Variants in CTIF observed in about 807,000 individuals in gnomAD.
CTIF encodes cap binding complex dependent translation initiation factor.
In CTIF, 21 loss-of-function variants were observed where a neutral mutation model predicts 66.0. That is an observed-to-expected ratio of 0.32 (90% CI 0.23 to 0.46). The LOEUF is 0.46. Among genes scored for constraint, CTIF ranks in the 20% least tolerant of loss-of-function variants. The pLI is 1.00. For synonymous variants in CTIF, 345 were observed against 326.4 expected (o/e 1.06, Z -0.62); for missense variants, 739 against 812.7 (o/e 0.91, Z 1.10).
chr18:48,759,305 G>A (rs1206723149), intron 8 of CTIF, among the ~76,000 whole-genome samples: 1 of 152,146 alleles, frequency 6.6e-6, no homozygotes, highest in Non-Finnish European at 1.5e-5. Context: ...TCCTCCTGGG[G>A]CTTCCGCAGA....
intron 2 of CTIF, among the ~76,000 whole-genome samples, chr18:48,630,651 T>G (rs1304462375): frequency 7.2e-6 from 1 of 139,676 alleles, no homozygotes; most frequent in African/African-American, 2.9e-5. Flanking sequence ...ACAGCTTTTT[T>G]GTCTCTAGCT....
chr18:48,580,608 C>T (rs750113272), intron 1 of CTIF, among the ~76,000 whole-genome samples: 1 of 152,196 alleles, frequency 6.6e-6, no homozygotes, highest in Non-Finnish European at 1.5e-5. Context: ...CACCACACTA[C>T]TACTTAGAAA....
At chr18:48,717,702 G>C (rs1374509133) in intron 7 of CTIF, among the ~76,000 whole-genome samples, 1 of 152,136 alleles carries the variant, frequency 6.6e-6, no homozygotes, top group Non-Finnish European at 1.5e-5. Context: ...AGGATGAAGT[G>C]ATGTGGCAAG....
At chr18:48,857,750 A>G in intron 11 of CTIF, 109 bp downstream of exon 11, 1 of 1,013,392 alleles carries the variant, frequency 9.9e-7, no homozygotes. Context: ...GTCCAGGGGA[A>G]GGTAGGTGGA....
At chr18:48,543,579 C>T (rs748701280) in intron 1 of CTIF, among the ~76,000 whole-genome samples, 49 of 152,306 alleles carry the variant, frequency 3.2e-4, no homozygotes, top group Middle Eastern at 3.4e-3. Context: ...CTGTGGTTCA[C>T]AACGGGGTGA....
At chr18:48,696,479 C>T (rs990173256) in intron 6 of CTIF, among the ~76,000 whole-genome samples, 120 of 152,122 alleles carry the variant, frequency 7.9e-4, no homozygotes, top group Non-Finnish European at 7.4e-5. Context: ...GTGTGACCCC[C>T]GCCAGACATA....
At chr18:48,627,167 G>A (rs998107396) in intron 2 of CTIF, among the ~76,000 whole-genome samples, 2 of 152,136 alleles carry the variant, frequency 1.3e-5, no homozygotes, top group Non-Finnish European at 2.9e-5. Context: ...ACATTGTTTG[G>A]TGGTGGTTTT....
At chr18:48,631,468 A>T (rs1453760871) in intron 2 of CTIF, among the ~76,000 whole-genome samples, 1 of 152,256 alleles carries the variant, frequency 6.6e-6, no homozygotes, top group Non-Finnish European at 1.5e-5. Flanking sequence ...CGTCTCAAAA[A>T]CAAGACAAAC....
intron 6 of CTIF, among the ~76,000 whole-genome samples, chr18:48,680,877 G>T (rs2091728731): frequency 6.6e-6 from 1 of 152,176 alleles, no homozygotes; most frequent in Non-Finnish European, 1.5e-5. Flanking sequence ...CTCCTTCCTG[G>T]CAGCGGTGAG....
At chr18:48,730,717 T>C (rs1377763548) in intron 7 of CTIF, among the ~76,000 whole-genome samples, 30 of 141,714 alleles carry the variant, frequency 2.1e-4, no homozygotes, top group African/African-American at 5.2e-4. Context: ...GCTTCCGCGG[T>C]GTGAGGGGCT....
intron 9 of CTIF, among the ~76,000 whole-genome samples, chr18:48,798,505 C>T (rs2067979041): frequency 6.6e-6 from 1 of 152,222 alleles, no homozygotes; most frequent in African/African-American, 2.4e-5. Context: ...TCTGCACTTG[C>T]TACTGAGTGT....
chr18:48,682,773 C>G (rs1009794317), intron 6 of CTIF, among the ~76,000 whole-genome samples: 6 of 152,272 alleles, frequency 3.9e-5, no homozygotes, highest in African/African-American at 1.4e-4. Context: ...GCTCCTGTCA[C>G]TGGTCATGCC....
intron 6 of CTIF, among the ~76,000 whole-genome samples, chr18:48,701,808 G>C (rs2145391829): frequency 6.6e-6 from 1 of 152,264 alleles, no homozygotes; most frequent in South Asian, 2.1e-4. Flanking sequence ...CTCCTGACAT[G>C]GCTACCCGTG....
At chr18:48,846,497 A>AGATGGATG (rs1555705172) in intron 10 of CTIF, among the ~76,000 whole-genome samples, 8,279 of 136,590 alleles carry the variant, frequency 0.061, 287 homozygotes, top group Non-Finnish European at 0.076. Context: ...ATGAAAGGAT[A>AGATGGATG]GATGGATGGA....
rs1474677174 is a variant in CTIF, at chr18:48,861,620, A to C, written c.*2061A>C. On this transcript the variant is annotated 3_prime_UTR_variant, in exon 12 of 12. Coordinates refer to ENST00000256413, the MANE Select transcript of CTIF (RefSeq NM_014772.3). ...GAGGCAAGGCCCCCGAAGAGAGGAG[A>C]GACCTGGGAGTGGGAGCTCAGGTCA... 1 of 152,414 alleles carries C rather than the reference A, an allele frequency of 6.6e-6. No homozygotes were observed. Among genetic ancestry groups the C allele is most frequent in the Admixed American group, 6.6e-5 (1 of 15,266 alleles). 9.4% of individuals were successfully genotyped at this position (152,414 alleles called of 1,614,324 possible).
chr18:48,628,131 T>C (rs541402781), intron 2 of CTIF, among the ~76,000 whole-genome samples: 1 of 152,192 alleles, frequency 6.6e-6, no homozygotes, highest in East Asian at 1.9e-4. Flanking sequence ...CCTGAGCAAA[T>C]AGGATAGACT....
intron 6 of CTIF, among the ~76,000 whole-genome samples, chr18:48,675,533 G>A (rs918085652): frequency 1.1e-4 from 17 of 152,206 alleles, no homozygotes; most frequent in Non-Finnish European, 2.1e-4. Flanking sequence ...CCTGGTCAGC[G>A]CTGCACATGC....
chr18:48,828,753 G>A (rs1269736719), intron 10 of CTIF, among the ~76,000 whole-genome samples: 2 of 152,164 alleles, frequency 1.3e-5, no homozygotes, highest in African/African-American at 4.8e-5. Context: ...GGCCCAGCAC[G>A]AGCTATAAAT....
At chr18:48,716,194 G>A (rs1391222809) in intron 7 of CTIF, among the ~76,000 whole-genome samples, 3 of 152,336 alleles carry the variant, frequency 2.0e-5, no homozygotes, top group South Asian at 2.1e-4. Flanking sequence ...AGCTGTGCCC[G>A]AGAATACGGG....
Sources: gnomAD v4.1 joint callset for allele counts (sites outside exome capture counted in the v4.1 genomes callset) on GRCh38, gnomAD v4.1.1 for gene constraint, MANE v1.5 for transcripts, NCBI Gene and HGNC (gene_info 2026-07-23, HGNC 2026-07-21) for gene names.